CWC27: variants seen among roughly 807,000 people sequenced by gnomAD.
The protein encoded by CWC27 is spliceosome-associated protein CWC27 homolog.
Under a neutral mutation model 63.6 loss-of-function variants are expected in CWC27, and 47 were observed. The observed-to-expected ratio is 0.74, with a 90% CI of 0.58 to 0.94. The LOEUF is 0.94. CWC27 is among the 40% of genes least tolerant of loss of function. The pLI, the probability that CWC27 is intolerant of heterozygous loss-of-function variation, is 0.00. For synonymous variants in CWC27, 175 were observed against 179.8 expected, an observed-to-expected ratio of 0.97 and a Z score of 0.22; for missense variants, 495 against 554.3, an observed-to-expected ratio of 0.89 and a Z score of 1.07.
At chr5:64,865,813 G>A (rs1044984700) in intron 10 of CWC27, among the ~76,000 whole-genome samples, 2 of 152,032 alleles carry the variant, frequency 1.3e-5, no homozygotes, top group Non-Finnish European at 2.9e-5. Flanking sequence ...TGATGAATCT[G>A]TCTAGTCATA....
At chr5:64,997,075 C>T (rs1365735847) in intron 13 of CWC27, among the ~76,000 whole-genome samples, 1 of 152,026 alleles carries the variant, frequency 6.6e-6, no homozygotes, top group Non-Finnish European at 1.5e-5. Flanking sequence ...ATATTATATC[C>T]TCTGTATTAT....
intron 11 of CWC27, among the ~76,000 whole-genome samples, chr5:64,917,539 A>G (rs1043152810): frequency 3.3e-5 from 5 of 152,098 alleles, no homozygotes; most frequent in African/African-American, 1.2e-4. Context: ...GTGTCTGTGA[A>G]GGTGTTTGGT....
intron 13 of CWC27, among the ~76,000 whole-genome samples, chr5:64,979,775 A>G (rs1288017222): frequency 2.0e-5 from 3 of 152,156 alleles, no homozygotes; most frequent in Non-Finnish European, 4.4e-5. Flanking sequence ...AGACATTTTT[A>G]TGTGTCCACA....
At chr5:64,896,657 G>A (rs1747383648) in intron 11 of CWC27, among the ~76,000 whole-genome samples, 2 of 148,262 alleles carry the variant, frequency 1.3e-5, no homozygotes, top group African/African-American at 2.5e-5. Context: ...CAAACCAGTA[G>A]AGAAAAAGAT....
chr5:64,847,279 T>A (rs1746007506), intron 10 of CWC27, among the ~76,000 whole-genome samples: 1 of 152,022 alleles, frequency 6.6e-6, no homozygotes, highest in South Asian at 2.1e-4. Context: ...TCAAAACCCA[T>A]AAAATGAGAC....
intron 10 of CWC27, among the ~76,000 whole-genome samples, chr5:64,829,009 T>A (rs1206756144): frequency 1.3e-5 from 2 of 152,146 alleles, no homozygotes; most frequent in African/African-American, 4.8e-5. Context: ...GAGTGAATGT[T>A]GAATCTGTGA....
intron 2 of CWC27, among the ~76,000 whole-genome samples, chr5:64,781,033 A>T (rs1293079556): frequency 6.6e-6 from 1 of 152,162 alleles, no homozygotes; most frequent in Non-Finnish European, 1.5e-5. Flanking sequence ...TTTGTCGCTT[A>T]TACTTTGCCT....
intron 10 of CWC27, among the ~76,000 whole-genome samples, chr5:64,872,579 A>G (rs1746697575): frequency 6.6e-6 from 1 of 152,206 alleles, no homozygotes; most frequent in Non-Finnish European, 1.5e-5. Context: ...TATACCATGT[A>G]CTATATTTAA....
At chr5:64,772,641 A>G (rs1311856021) in intron 1 of CWC27, among the ~76,000 whole-genome samples, 22 of 145,650 alleles carry the variant, frequency 1.5e-4, no homozygotes, top group African/African-American at 5.7e-4. Flanking sequence ...AAAAAAAAAA[A>G]AAAAAAAAAA....
chr5:64,850,185 T>C (rs1252589478), intron 10 of CWC27, among the ~76,000 whole-genome samples: 4 of 145,546 alleles, frequency 2.7e-5, no homozygotes, highest in Admixed American at 2.7e-4. Flanking sequence ...ATACTACCTA[T>C]ACTACAAAGT....
chr5:64,811,704 A>G (rs1055303800), intron 10 of CWC27, among the ~76,000 whole-genome samples: 1 of 152,072 alleles, frequency 6.6e-6, no homozygotes, highest in Non-Finnish European at 1.5e-5. Context: ...GATAAAGTTA[A>G]CTGGAATTTG....
chr5:64,882,892 G>A (rs1364345200), intron 10 of CWC27, among the ~76,000 whole-genome samples: 1 of 152,094 alleles, frequency 6.6e-6, no homozygotes, highest in Non-Finnish European at 1.5e-5. Flanking sequence ...CACCACACCC[G>A]GCTCCTTTTA....
intron 11 of CWC27, among the ~76,000 whole-genome samples, chr5:64,889,585 C>G: frequency 6.6e-6 from 1 of 152,136 alleles, no homozygotes; most frequent in Non-Finnish European, 1.5e-5. Flanking sequence ...ATATAATTCT[C>G]TTTCTAATTA....
intron 10 of CWC27, among the ~76,000 whole-genome samples, chr5:64,810,125 G>T (rs1216009740): frequency 6.6e-6 from 1 of 151,998 alleles, no homozygotes; most frequent in Non-Finnish European, 1.5e-5. Context: ...TGAATATCCA[G>T]TTTTCCCAAC....
chr5:64,870,241 G>T (rs1428776588), intron 10 of CWC27, among the ~76,000 whole-genome samples: 1 of 152,004 alleles, frequency 6.6e-6, no homozygotes, highest in African/African-American at 2.4e-5. Flanking sequence ...GAAATATTAA[G>T]AAACCTTTTT....
At position 64,812,171 on chromosome 5, in the gene CWC27, T is replaced by G. The variant is rs527321881; in HGVS notation, c.938+7785T>G. On this transcript the variant is annotated intron_variant, in intron 10 of 13. Transcript: ENST00000381070. Reference sequence around the variant, plus strand: ...GGAAATTTAAAAAGATAGTTCAATATTTAAATTTCAAAAATTTAAAGGATA... The same window carrying G: ...GGAAATTTAAAAAGATAGTTCAATAGTTAAATTTCAAAAATTTAAAGGATA... Among the ~76,000 whole-genome samples the G allele has an allele frequency of 9.2e-5, 14 of 152,200 alleles. No individual in the cohort carries two copies. In the South Asian group the frequency reaches 2.3e-3, roughly 25 times the overall value.
Position 65,018,214 on chromosome 5 carries a change from A to G in CWC27, c.1312A>G (p.Met438Val), listed in dbSNP as rs1381774438. 3 of 1,609,758 alleles carry G rather than the reference A, an allele frequency of 1.9e-6. No homozygotes were observed. The highest frequency in any genetic ancestry group is 2.5e-6 in the Non-Finnish European group (3 of 1,178,586). The change falls in exon 14 of 14, where the codon ATG (methionine) becomes GTG (valine). Residue 438 changes from methionine to valine, a missense_variant. By Grantham distance (21) the Met-to-Val change is conservative (BLOSUM62 1). Transcript: ENST00000381070. ...AAGCAGAAAAGTGAAAGATGCAAGCATGCAAGACTCAGATACATTTGAAAT... is the reference window on the plus strand; with the variant it reads ...AAGCAGAAAAGTGAAAGATGCAAGCGTGCAAGACTCAGATACATTTGAAAT... ...DKSRKVKDAS[M>V]QDSDTFEIYD... is the part of the protein sequence containing the mutation.
intron 11 of CWC27, among the ~76,000 whole-genome samples, chr5:64,886,134 A>G (rs767805165): frequency 1.1e-4 from 17 of 152,154 alleles, no homozygotes; most frequent in Non-Finnish European, 2.2e-4. Context: ...TGATCAAAAT[A>G]ACATCTTGCT....
chr5:65,016,398 G>A (rs1580784144), intron 13 of CWC27, among the ~76,000 whole-genome samples: 1 of 152,188 alleles, frequency 6.6e-6, no homozygotes, highest in South Asian at 2.1e-4. Context: ...CTCCTTGGGA[G>A]GCTGAGGCAA....
Sources: gnomAD v4.1 joint callset for allele counts (sites outside exome capture counted in the v4.1 genomes callset) on GRCh38, gnomAD v4.1.1 for gene constraint, MANE v1.5 for transcripts, NCBI Gene and HGNC (gene_info 2026-07-23, HGNC 2026-07-21) for gene names.